Variants in TEF observed in about 807,000 individuals in gnomAD.
TEF encodes the protein thyrotroph embryonic factor.
In TEF, 3 loss-of-function variants were observed where a neutral mutation model predicts 20.8. The ratio of observed to expected loss-of-function variants is 0.14; its 90% CI spans 0.07 to 0.37. TEF has a LOEUF of 0.37. TEF is among the 10% of genes least tolerant of loss of function. TEF has a pLI of 1.00. For missense variants in TEF, 296 were observed against 397.9 expected, an observed-to-expected ratio of 0.74 and a Z score of 2.18; for synonymous variants, 180 against 171.1, an observed-to-expected ratio of 1.05 and a Z score of -0.41.
At chr22:41,372,406 A>G (rs1403484395) in intron 1 of TEF, among the ~76,000 whole-genome samples, 10 of 152,142 alleles carry the variant, frequency 6.6e-5, no homozygotes, top group Non-Finnish European at 1.5e-4. Context: ...CTGTCTCCTG[A>G]GCGTGAGCCA....
intron 1 of TEF, among the ~76,000 whole-genome samples, chr22:41,372,098 G>A (rs147268989): frequency 2.6e-5 from 4 of 152,276 alleles, no homozygotes; most frequent in Non-Finnish European, 5.9e-5. Context: ...GGCCTTCTAT[G>A]TGCTGGATAT....
In TEF at chr22:41,382,002, G is replaced by A; in HGVS notation, c.-43G>A. 2 of 1,229,724 alleles carry A rather than the reference G, an allele frequency of 1.6e-6. No homozygotes were observed. The highest frequency in any genetic ancestry group is 1.6e-5 in the African/African-American group (1 of 64,390). 76.2% of individuals were successfully genotyped at this position (1,229,724 alleles called of 1,614,324 possible). A position where few individuals can be genotyped will look rare whatever the true frequency, so the allele number is the denominator to read the frequency against. On this transcript the variant is annotated 5_prime_UTR_variant, in exon 1 of 4. Coordinates refer to ENST00000266304, the MANE Select transcript of TEF (RefSeq NM_003216.4). ...GCACGGCTCCGGCCCATCTCGGGGG[G>A]CGGGCGGGGGAGGCGAGGTGCGCGA...
chr22:41,376,987 T>G (rs1004372903), upstream of TEF, among the ~76,000 whole-genome samples: 1 of 152,056 alleles, frequency 6.6e-6, no homozygotes, highest in Non-Finnish European at 1.5e-5. Context: ...GAAACCAGTG[T>G]GGTCTTGTTT....
intron 2 of TEF, among the ~76,000 whole-genome samples, chr22:41,391,843 G>T (rs544243426): frequency 9.2e-5 from 14 of 152,038 alleles, no homozygotes; most frequent in Admixed American, 7.9e-4. Flanking sequence ...GGATGGTCTC[G>T]ATCTCTTGAC....
chr22:41,389,370 C>T lies in TEF; in HGVS notation c.475+1702C>T, dbSNP rs549447485. The stretch of plus-strand genomic sequence containing the variant: ...GAACCGAGATTGCACCACTGCACTC[C>T]AGCCTGGGCGACAGAGCAAGACTCC... On this transcript the variant is annotated intron_variant, in intron 2 of 3. Coordinates refer to ENST00000266304, the MANE Select transcript of TEF (RefSeq NM_003216.4). Among the ~76,000 whole-genome samples, 5 of 152,166 alleles carry T rather than the reference C, an allele frequency of 3.3e-5. No homozygotes were observed. In the East Asian group the frequency reaches 5.8e-4, roughly 18 times the overall value.
At position 41,396,099 on chromosome 22, in the gene TEF, T is replaced by A. The variant is rs2037224987; in HGVS notation, c.*139T>A. 7 of 910,006 alleles carry A rather than the reference T, an allele frequency of 7.7e-6. No homozygotes were observed. The highest frequency in any genetic ancestry group is 1.1e-5 in the Non-Finnish European group (7 of 609,510). The allele number at this position is 910,006 out of a possible 1,614,324, so 56.4% of individuals were successfully genotyped here. A position where few individuals can be genotyped will look rare whatever the true frequency, so the allele number is the denominator to read the frequency against. The stretch of plus-strand genomic sequence containing the variant: ...CGCACCTGCTGCAGGAGCGGCCACG[T>A]CTCAGCTTCATTATACCATGGCCTG... On this transcript the variant is annotated 3_prime_UTR_variant, in exon 4 of 4. Transcript: ENST00000266304.
chr22:41,390,802 A>AT (rs892810822), intron 2 of TEF, among the ~76,000 whole-genome samples: 2 of 151,838 alleles, frequency 1.3e-5, no homozygotes, highest in Non-Finnish European at 2.9e-5. Context: ...CCTCATTGTC[A>AT]TTTTCTAGAA....
At chr22:41,383,852 C>T (rs1214314306) in intron 1 of TEF, among the ~76,000 whole-genome samples, 1 of 152,218 alleles carries the variant, frequency 6.6e-6, no homozygotes, top group Non-Finnish European at 1.5e-5. Context: ...TGACCCCACC[C>T]GACATGGGTC....
chr22:41,391,515 C>G (rs2037165748), intron 2 of TEF, among the ~76,000 whole-genome samples: 1 of 151,590 alleles, frequency 6.6e-6, no homozygotes, highest in Non-Finnish European at 1.5e-5. Flanking sequence ...GGGGTTTCAT[C>G]GTATTGGTCA....
chr22:41,372,181 C>T (rs961207623), intron 1 of TEF, among the ~76,000 whole-genome samples: 7 of 152,158 alleles, frequency 4.6e-5, no homozygotes, highest in Non-Finnish European at 7.3e-5. Flanking sequence ...AGAAAATGAA[C>T]AAAGAGGCAC....
At chr22:41,380,425 G>C (rs1330208096), upstream of TEF, among the ~76,000 whole-genome samples, 1 of 152,338 alleles carries the variant, frequency 6.6e-6, no homozygotes, top group Admixed American at 6.5e-5. Flanking sequence ...AAAGTGCCGG[G>C]ATTACAGGCG....
chr22:41,377,949 A>T (rs961104411), upstream of TEF, among the ~76,000 whole-genome samples: 1 of 152,158 alleles, frequency 6.6e-6, no homozygotes, highest in East Asian at 1.9e-4. Flanking sequence ...AAGAAAATCT[A>T]AATCTTTACT....
intron 1 of TEF, among the ~76,000 whole-genome samples, chr22:41,383,407 C>T (rs576775732): frequency 3.7e-4 from 57 of 152,324 alleles, no homozygotes; most frequent in African/African-American, 1.4e-3. Context: ...ACACATCTGA[C>T]AGTTTCTTGT....
Position 41,387,333 on chromosome 22 carries a change from C to T in TEF, c.158-18C>T. ...TACTCTCCTGTGTGGTATTTCATCG[C>T]AGATTTTGTTTCTGCAGATAAGGAA... On this transcript the variant is annotated intron_variant, in intron 1 of 3. Transcript: ENST00000266304. 6.2e-7 allele frequency: 1 copy of T among 1,613,426 alleles called. No individual in the cohort carries two copies.
Position 41,394,111 on chromosome 22 carries a change from A to G in TEF, c.491A>G (p.Lys164Arg), listed in dbSNP as rs765904814. The G allele has an allele frequency of 1.4e-5, 22 of 1,614,102 alleles. No individual in the cohort carries two copies. Among genetic ancestry groups the G allele is most frequent in the Non-Finnish European group, 1.5e-5 (18 of 1,180,004 alleles). ...TGTCTTTTAGAATCTTCCCTGGAGA[A>G]GGAGAGGGAGACTCCCAGTCCCATC... ...TVSSTESSLE[K>R]ERETPSPIDP... The change falls in exon 3 of 4, where the codon AAG becomes AGG. Residue 164 changes from lysine to arginine, a missense_variant. By Grantham distance (26) the Lys-to-Arg change is conservative (BLOSUM62 2). This residue lies in a region of TEF where 194 missense variants were observed against 317.8 expected (regional missense o/e 0.61). Transcript: ENST00000266304.
chr22:41,379,013 C>T (rs1198767639), upstream of TEF, among the ~76,000 whole-genome samples: 4 of 152,342 alleles, frequency 2.6e-5, no homozygotes, highest in Admixed American at 2.6e-4. Context: ...TGAAGGTTTG[C>T]AACTGTGCGC....
upstream of TEF, among the ~76,000 whole-genome samples, chr22:41,379,485 C>G (rs1042897700): frequency 6.6e-6 from 1 of 151,920 alleles, no homozygotes; most frequent in Non-Finnish European, 1.5e-5. Context: ...CCAGCCTGGG[C>G]AACAAGGGCA....
chr22:41,392,243 TG>T (rs2037175295), intron 2 of TEF, among the ~76,000 whole-genome samples: 1 of 152,114 alleles, frequency 6.6e-6, no homozygotes, highest in South Asian at 2.1e-4. Flanking sequence ...GGCAGCCAGG[TG>T]GGGCAGGGAA....
At chr22:41,378,788 A>C (rs2036979025), upstream of TEF, among the ~76,000 whole-genome samples, 1 of 152,128 alleles carries the variant, frequency 6.6e-6, no homozygotes, top group Non-Finnish European at 1.5e-5. Context: ...TGGTTTAATC[A>C]GTTTCCTTGG....
Sources: allele counts gnomAD v4.1 joint callset (sites outside exome capture counted in the v4.1 genomes callset), GRCh38; gene constraint gnomAD v4.1.1; regional missense constraint gnomAD v4.1.1; transcripts MANE v1.5; gene names NCBI Gene and HGNC (gene_info 2026-07-23, HGNC 2026-07-21).